AXL: variants seen among roughly 807,000 people sequenced by gnomAD.
The protein encoded by AXL is tyrosine-protein kinase receptor UFO.
In AXL, 52 loss-of-function variants were observed where a neutral mutation model predicts 104.5. That is an observed-to-expected ratio of 0.50 (90% CI 0.40 to 0.63). AXL has a LOEUF of 0.63. AXL is among the 20% of genes least tolerant of loss of function. The pLI, the probability that AXL is intolerant of heterozygous loss-of-function variation, is 0.00. For missense variants in AXL, 1,024 were observed against 1,188.5 expected (o/e 0.86, Z 2.04); for synonymous variants, 455 against 473.7 (o/e 0.96, Z 0.51).
chr19:41,257,360 A>G (rs945462568), intron 18 of AXL, 133 bp from the exon 19 acceptor site: 28 of 1,258,266 alleles, frequency 2.2e-5, no homozygotes, highest in Middle Eastern at 5.2e-4. Context: ...TTATGTTTCT[A>G]TGAATACTTG....
At chr19:41,230,167 CTG>C (rs955644354) in intron 4 of AXL, among the ~76,000 whole-genome samples, 34 of 149,268 alleles carry the variant, frequency 2.3e-4, no homozygotes, top group African/African-American at 1.7e-4. Flanking sequence ...GTGTCTGTGT[CTG>C]TGTCTGTGTG....
At position 41,259,965 on chromosome 19, in the gene AXL, A is replaced by C; in HGVS notation, c.*61A>C. 2 of 1,424,434 alleles carry C rather than the reference A, an allele frequency of 1.4e-6. No individual in the cohort carries two copies. The highest frequency in any genetic ancestry group is 2.5e-5 in the Admixed American group (1 of 39,614). 88.2% of individuals were successfully genotyped at this position (1,424,434 alleles called of 1,614,324 possible). A position where few individuals can be genotyped will look rare whatever the true frequency, so the allele number is the denominator to read the frequency against. Reference sequence around the variant, plus strand: ...AAGCTAAGCACTGCCACTGGGGAAAACTCCACCTTCCCACTTTCCCACCCC... The same window carrying C: ...AAGCTAAGCACTGCCACTGGGGAAACCTCCACCTTCCCACTTTCCCACCCC... On this transcript the variant is annotated 3_prime_UTR_variant, in exon 20 of 20. Transcript: ENST00000301178.
intron 14 of AXL, among the ~76,000 whole-genome samples, chr19:41,250,349 A>T (rs959218879): frequency 3.3e-5 from 5 of 152,228 alleles, no homozygotes; most frequent in African/African-American, 1.2e-4. Context: ...TTTCTGAATT[A>T]CAGGGCTTAA....
intron 3 of AXL, chr19:41,221,513 A>G (rs969616935): frequency 5.9e-6 from 3 of 506,506 alleles, no homozygotes; most frequent in East Asian, 3.5e-5. Flanking sequence ...ATCAGACACC[A>G]TCAGGTCACA....
chr19:41,244,561 C>A (rs1018113002), intron 12 of AXL, among the ~76,000 whole-genome samples: 9 of 151,964 alleles, frequency 5.9e-5, no homozygotes, highest in Non-Finnish European at 1.2e-4. Context: ...CTCACTGCAA[C>A]CTTCACCTCC....
chr19:41,250,827 C>T (rs1343909169), intron 14 of AXL, among the ~76,000 whole-genome samples: 1 of 152,192 alleles, frequency 6.6e-6, no homozygotes, highest in Non-Finnish European at 1.5e-5. Context: ...TAGTCTCAAC[C>T]TCTGAGGCTC....
At position 41,257,547 on chromosome 19, in the gene AXL, C is replaced by G. The variant is rs759265612; in HGVS notation, c.2251C>G (p.Pro751Ala). 6.2e-7 allele frequency: 1 copy of G among 1,614,152 alleles called. No individual in the cohort carries two copies. The highest frequency in any genetic ancestry group is 2.2e-5 in the East Asian group (1 of 44,880). Residue 751 changes from proline (P) to alanine (A), a missense_variant, in exon 19 of 20, where the codon CCG (proline) becomes GCG (alanine). By Grantham distance (27) the Pro-to-Ala change is conservative. Around this residue, in one of 5 missense-constraint regions of AXL, gnomAD observed 523 missense variants for 636.0 expected, o/e 0.82. Coordinates refer to ENST00000301178, the MANE Select transcript of AXL (RefSeq NM_021913.5). The part of the protein sequence containing the change: ...EIATRGQTPY[P>A]GVENSEIYDY... The stretch of plus-strand genomic sequence containing the variant: ...TGCCACAAGAGGCCAAACCCCATAT[C>G]CGGGCGTGGAGAACAGCGAGATTTA...
Position 41,256,585 on chromosome 19 carries a change from C to T in AXL, c.2170C>T (p.Arg724Cys), listed in dbSNP as rs760008727. The change falls in exon 18 of 20, where the codon CGT becomes TGT. Residue 724 changes from arginine (R) to cysteine (C), a missense_variant. Transcript: ENST00000301178. ...GATTGCCATTGAGAGTCTAGCTGACCGTGTCTACACCAGCAAGAGCGATGT... is the reference window on the plus strand; with the variant it reads ...GATTGCCATTGAGAGTCTAGCTGACTGTGTCTACACCAGCAAGAGCGATGT... ...KWIAIESLAD[R>C]VYTSKSDVWS... is the part of the protein sequence containing the mutation. The T allele has an allele frequency of 2.6e-5, 42 of 1,613,806 alleles. No individual in the cohort carries two copies. Among genetic ancestry groups the T allele is most frequent in the Non-Finnish European group, 3.3e-5 (39 of 1,179,888 alleles).
chr19:41,220,277 C>A, intron 1 of AXL: 1 of 230,844 alleles, frequency 4.3e-6, no homozygotes, highest in South Asian at 6.9e-5. Context: ...TCTCCCCCAA[C>A]CCCTGATTCT....
intron 11 of AXL, 74 bp from the exon 12 acceptor site, chr19:41,243,538 GTGCT>G: frequency 8.9e-7 from 1 of 1,126,264 alleles, no homozygotes; most frequent in Non-Finnish European, 1.4e-6. Context: ...GGCTGAGATG[GTGCT>G]TGCTCAACTG....
At position 41,237,942 on chromosome 19, in the gene AXL, A is replaced by G; in HGVS notation, c.784-2A>G. 6.2e-7 allele frequency: 1 copy of G among 1,613,532 alleles called. No individual in the cohort carries two copies. Among genetic ancestry groups the G allele is most frequent in the East Asian group, 2.2e-5 (1 of 44,864 alleles). Reference sequence around the variant, plus strand: ...CGTCCTCACACCCTTGCCTCTCCTCAGGCTGTGCTGTCAGACGATGGGATG... The same window carrying G: ...CGTCCTCACACCCTTGCCTCTCCTCGGGCTGTGCTGTCAGACGATGGGATG... On this transcript the variant is annotated splice_acceptor_variant, in intron 6 of 19. Coordinates refer to ENST00000301178, the MANE Select transcript of AXL (RefSeq NM_021913.5). LOFTEE classifies it high-confidence loss of function.
intron 3 of AXL, chr19:41,221,625 A>G: frequency 1.9e-6 from 1 of 535,818 alleles, no homozygotes; most frequent in Non-Finnish European, 3.3e-6. Flanking sequence ...GAATGAGATG[A>G]GGATGAGCTG....
chr19:41,220,683 A>T lies in AXL; in HGVS notation c.133A>T (p.Thr45Ser). Reference sequence around the variant, plus strand: ...CTTCGTGGGCAACCCAGGGAATATCACAGGTGCCCGGGGACTCACGGGCAC... The same window carrying T: ...CTTCGTGGGCAACCCAGGGAATATCTCAGGTGCCCGGGGACTCACGGGCAC... Reference protein sequence around the residue: ...SPFVGNPGNITGARGLTGTLR... With the variant: ...SPFVGNPGNISGARGLTGTLR... The change falls in exon 2 of 20, where the codon ACA becomes TCA. Residue 45 changes from threonine (T) to serine (S), a missense_variant. Transcript: ENST00000301178. The T allele has an allele frequency of 7.5e-6, 12 of 1,609,864 alleles. No individual in the cohort carries two copies. The highest frequency in any genetic ancestry group is 1.0e-5 in the Non-Finnish European group (12 of 1,178,098).
intron 3 of AXL, 48 bp from the exon 4 acceptor site, chr19:41,221,832 T>G (rs1295384919): frequency 6.3e-7 from 1 of 1,589,172 alleles, no homozygotes. Context: ...GTCAGGCATC[T>G]TGGGGCCTCA....
chr19:41,235,740 G>A (rs1017536478), intron 6 of AXL, among the ~76,000 whole-genome samples: 9 of 152,152 alleles, frequency 5.9e-5, no homozygotes, highest in South Asian at 2.1e-4. Flanking sequence ...AAGTGATTCC[G>A]TCTCTCTGGG....
At chr19:41,220,039 C>T (rs1198480074) in intron 1 of AXL, among the ~76,000 whole-genome samples, 2 of 151,928 alleles carry the variant, frequency 1.3e-5, no homozygotes, top group African/African-American at 2.4e-5. Context: ...CTTTCACAGT[C>T]TCTGCCTTTA....
In AXL at chr19:41,252,897, T is replaced by C; in HGVS notation, c.1856T>C (p.Ile619Thr). The change falls in exon 16 of 20, where the codon ATC (isoleucine) becomes ACC (threonine). Residue 619 changes from isoleucine (I) to threonine (T), a missense_variant. Physicochemically the swap from Ile to Thr is moderately conservative, Grantham distance 89 (BLOSUM62 -1). Transcript: ENST00000301178. ...ERESFPAPVV[I>T]LPFMKHGDLH... The stretch of plus-strand genomic sequence containing the variant: ...GAGAGCTTCCCAGCACCTGTGGTCA[T>C]CTTACCTTTCATGAAACATGGAGAC... 6.2e-7 allele frequency: 1 copy of C among 1,612,914 alleles called. No homozygotes were observed. The highest frequency in any genetic ancestry group is 8.5e-7 in the Non-Finnish European group (1 of 1,179,560).
chr19:41,248,214 G>A (rs2034302162), intron 12 of AXL, among the ~76,000 whole-genome samples: 1 of 152,220 alleles, frequency 6.6e-6, no homozygotes, highest in Admixed American at 6.5e-5. Context: ...GTAAGCCACT[G>A]TGCCCAGCAA....
chr19:41,241,437 G>A (rs998932992), intron 10 of AXL, among the ~76,000 whole-genome samples: 24 of 149,228 alleles, frequency 1.6e-4, no homozygotes, highest in African/African-American at 5.7e-4. Context: ...CCAGCTGCTC[G>A]GGAGGCTGAG....
Sources: gnomAD v4.1 joint callset for allele counts (sites outside exome capture counted in the v4.1 genomes callset) on GRCh38, gnomAD v4.1.1 for gene constraint, gnomAD v4.1.1 regional missense constraint, MANE v1.5 for transcripts, NCBI Gene and HGNC (gene_info 2026-07-23, HGNC 2026-07-21) for gene names.